The following NME7 variants were observed in gnomAD, a reference collection of about 807,000 sequenced individuals.
The protein encoded by NME7 is nucleoside diphosphate kinase 7.
In NME7, 41 loss-of-function variants were observed where a neutral mutation model predicts 49.1. The observed-to-expected ratio is 0.83, with a 90% CI of 0.65 to 1.08. The LOEUF (loss-of-function observed/expected upper bound fraction) is 1.08. Ranked by LOEUF, NME7 falls within the 50% of genes least tolerant of loss-of-function variation. The pLI is 0.00. For synonymous variants in NME7, 139 were observed against 150.6 expected (o/e 0.92, Z 0.56); for missense variants, 423 against 463.4 (o/e 0.91, Z 0.80).
intron 1 of NME7, among the ~76,000 whole-genome samples, chr1:169,337,251 A>T (rs893739675): frequency 6.6e-6 from 1 of 152,208 alleles, no homozygotes; most frequent in Non-Finnish European, 1.5e-5. Flanking sequence ...CGCGGTGAGA[A>T]ATCGAGCGCA....
Position 169,232,922 on chromosome 1 carries a change from T to C in NME7, c.889-2103A>G, listed in dbSNP as rs868337515. On this transcript the variant is annotated intron_variant, in intron 9 of 11. Transcript: ENST00000367811. ...CTGTTGTTTTCTTTTCTTTTTTTTT[T>C]TTTTTTTTTTTTTTTGAGACAGAGT... Among the ~76,000 whole-genome samples the C allele has an allele frequency of 2.9e-5, 4 of 139,466 alleles. No individual in the cohort carries two copies. The East Asian group carries it at 6.1e-4, about 21-fold the overall frequency. 91.5% of individuals were successfully genotyped at this position (139,466 alleles called of 152,430 possible). A position where few individuals can be genotyped will look rare whatever the true frequency, so the allele number is the denominator to read the frequency against.
At chr1:169,167,661 G>T (rs1030108785) in intron 11 of NME7, among the ~76,000 whole-genome samples, 15 of 152,120 alleles carry the variant, frequency 9.9e-5, no homozygotes, top group African/African-American at 3.6e-4. Context: ...TTTAAAAGAT[G>T]AGAGATCAAA....
chr1:169,335,875 G>A (rs1488022763), intron 1 of NME7, among the ~76,000 whole-genome samples: 1 of 151,524 alleles, frequency 6.6e-6, no homozygotes, highest in African/African-American at 2.4e-5. Flanking sequence ...GTAAGGGTGA[G>A]TGAAAAGTGG....
chr1:169,336,825 C>G (rs1179316441), intron 1 of NME7, among the ~76,000 whole-genome samples: 2 of 151,694 alleles, frequency 1.3e-5, no homozygotes, highest in Non-Finnish European at 2.9e-5. Flanking sequence ...CAAGGCCCCA[C>G]CAGAGCAGCT....
At chr1:169,196,873 G>A (rs1035814852) in intron 10 of NME7, among the ~76,000 whole-genome samples, 2 of 152,132 alleles carry the variant, frequency 1.3e-5, no homozygotes, top group African/African-American at 4.8e-5. Context: ...AAGATCCCAG[G>A]ATGCAGTCCT....
intron 7 of NME7, among the ~76,000 whole-genome samples, chr1:169,238,477 G>GCACACGCACACA (rs377689410): frequency 2.0e-3 from 247 of 124,144 alleles, no homozygotes; most frequent in African/African-American, 6.8e-3. Flanking sequence ...ATGCACAAAG[G>GCACACGCACACA]CACACACACA....
intron 11 of NME7, among the ~76,000 whole-genome samples, chr1:169,148,010 AT>A (rs66803163): frequency 0.66 from 99,289 of 150,346 alleles, 33,035 homozygotes; most frequent in East Asian, 0.93. Context: ...CTTTTATTTT[AT>A]TTTTTTTTTG....
At chr1:169,214,219 A>G (rs1660911602) in intron 10 of NME7, among the ~76,000 whole-genome samples, 1 of 152,214 alleles carries the variant, frequency 6.6e-6, no homozygotes, top group African/African-American at 2.4e-5. Flanking sequence ...TATATCATGG[A>G]TTAAAATTAG....
At chr1:169,312,467 G>GT (rs1303770238) in intron 3 of NME7, among the ~76,000 whole-genome samples, 1 of 152,186 alleles carries the variant, frequency 6.6e-6, no homozygotes, top group Admixed American at 6.5e-5. Context: ...GGCAAGCACT[G>GT]TAAGATGCAG....
At chr1:169,354,568 T>A (rs1283209755) in intron 1 of NME7, among the ~76,000 whole-genome samples, 2 of 151,084 alleles carry the variant, frequency 1.3e-5, no homozygotes, top group African/African-American at 4.9e-5. Context: ...CTTGAGGAAA[T>A]GGATACCAAA....
intron 1 of NME7, among the ~76,000 whole-genome samples, chr1:169,324,996 A>T (rs1458559463): frequency 1.3e-5 from 2 of 152,142 alleles, no homozygotes; most frequent in African/African-American, 2.4e-5. Flanking sequence ...GTAATTTCAT[A>T]TGATAGTATC....
At chr1:169,252,860 T>C (rs1326775864) in intron 7 of NME7, among the ~76,000 whole-genome samples, 1 of 149,132 alleles carries the variant, frequency 6.7e-6, no homozygotes, top group African/African-American at 2.5e-5. Flanking sequence ...TTGTCAAAGA[T>C]CAGATAGTTG....
chr1:169,250,092 T>C (rs917330380), intron 7 of NME7, among the ~76,000 whole-genome samples: 1 of 152,102 alleles, frequency 6.6e-6, no homozygotes, highest in African/African-American at 2.4e-5. Flanking sequence ...TGTGAATCCA[T>C]GTGGCCCCAA....
At chr1:169,218,854 A>G (rs192679062) in intron 10 of NME7, among the ~76,000 whole-genome samples, 22 of 152,216 alleles carry the variant, frequency 1.4e-4, no homozygotes, top group African/African-American at 5.1e-4. Context: ...ATAAGAGACT[A>G]AGATTTCAGA....
intron 7 of NME7, among the ~76,000 whole-genome samples, chr1:169,280,061 T>G (rs938724117): frequency 6.6e-6 from 1 of 152,240 alleles, no homozygotes; most frequent in Non-Finnish European, 1.5e-5. Context: ...ATGGTTGAAC[T>G]AATTTATACT....
chr1:169,169,466 G>A lies in NME7; in HGVS notation c.1079C>T (p.Pro360Leu), dbSNP rs769459814. The A allele has an allele frequency of 6.2e-7, 1 of 1,613,240 alleles. No homozygotes were observed. The highest frequency in any genetic ancestry group is 1.7e-5 in the Admixed American group (1 of 59,966). ...TCTTACCTCTAATAGGCCATCCTCT[G>A]GCAGATCAGTACAGTGAACAGCATT... ...IQNAVHCTDL[P>L]EDGLLEVQYF... is the part of the protein sequence containing the mutation. The change falls in exon 11 of 12, where the codon CCA (proline) becomes CTA (leucine). Residue 360 changes from proline to leucine, a missense_variant. Physicochemically the swap from Pro to Leu is moderately conservative, Grantham distance 98. Coordinates refer to ENST00000367811, the MANE Select transcript of NME7 (RefSeq NM_013330.5).
At chr1:169,164,500 C>T (rs975170977) in intron 11 of NME7, among the ~76,000 whole-genome samples, 7 of 152,154 alleles carry the variant, frequency 4.6e-5, no homozygotes, top group Non-Finnish European at 8.8e-5. Flanking sequence ...CTGTTATCTT[C>T]GTTTTACAGA....
intron 11 of NME7, among the ~76,000 whole-genome samples, chr1:169,137,591 C>A (rs540763357): frequency 6.6e-6 from 1 of 152,122 alleles, no homozygotes; most frequent in Non-Finnish European, 1.5e-5. Flanking sequence ...AGGGCTTATG[C>A]TGTGGGGATG....
At chr1:169,321,326 C>A (rs1651844218) in intron 3 of NME7, among the ~76,000 whole-genome samples, 1 of 152,088 alleles carries the variant, frequency 6.6e-6, no homozygotes, top group African/African-American at 2.4e-5. Flanking sequence ...TGCCACTTCA[C>A]TTCAGCCTGG....
Sources: allele counts gnomAD v4.1 joint callset (sites outside exome capture counted in the v4.1 genomes callset), GRCh38; gene constraint gnomAD v4.1.1; transcripts MANE v1.5; gene names NCBI Gene and HGNC (gene_info 2026-07-23, HGNC 2026-07-21).